The following ADGRG6 variants were observed in gnomAD, a reference collection of about 807,000 sequenced individuals.
The protein encoded by ADGRG6 is adhesion G protein-coupled receptor G6, also known as G-protein coupled receptor 126.
In ADGRG6, 84 loss-of-function variants were observed where a neutral mutation model predicts 142.4. That is an observed-to-expected ratio of 0.59 (90% CI 0.49 to 0.71). The LOEUF (loss-of-function observed/expected upper bound fraction) is 0.71, where lower values mean the gene tolerates loss of function less well. Among genes scored for constraint, ADGRG6 ranks in the 30% least tolerant of loss-of-function variants. The pLI is 0.00. For missense variants in ADGRG6, 1,367 were observed against 1,466.6 expected (o/e 0.93, Z 1.11); for synonymous variants, 521 against 520.5 (o/e 1.00, Z -0.01).
intron 2 of ADGRG6, among the ~76,000 whole-genome samples, chr6:142,341,753 C>A (rs1029935982): frequency 2.0e-5 from 3 of 146,832 alleles, no homozygotes; most frequent in Admixed American, 7.1e-5. Context: ...CAGACTTGGA[C>A]AAGTTGCACC....
intron 2 of ADGRG6, among the ~76,000 whole-genome samples, chr6:142,328,966 C>T (rs897855312): frequency 2.0e-5 from 3 of 152,102 alleles, no homozygotes; most frequent in African/African-American, 4.8e-5. Flanking sequence ...ACATTGGCTC[C>T]CTGAGATGGT....
intron 2 of ADGRG6, among the ~76,000 whole-genome samples, chr6:142,355,013 T>C (rs771842154): frequency 6.6e-6 from 1 of 152,198 alleles, no homozygotes; most frequent in Non-Finnish European, 1.5e-5. Context: ...TATAGAGTGA[T>C]CTATTATCCA....
Position 142,403,952 on chromosome 6 carries a change from C to A in ADGRG6, c.2106C>A (p.Ser702Arg). 1 of 1,608,790 alleles carries A rather than the reference C, an allele frequency of 6.2e-7. No homozygotes were observed. Among genetic ancestry groups the A allele is most frequent in the Non-Finnish European group, 8.5e-7 (1 of 1,175,950 alleles). ...CAAATTTTAGCATTGGTCTTCCAAG[C>A]AATAATGAATCGTATTTCCAGGTAA... Reference protein sequence around the residue: ...AISNFSIGLPSNNESYFQMDF... With the variant: ...AISNFSIGLPRNNESYFQMDF... Residue 702 changes from serine to arginine, a missense_variant, in exon 14 of 25, where the codon AGC becomes AGA. By Grantham distance (110) the Ser-to-Arg change is moderately radical (BLOSUM62 -1). This residue lies in a region of ADGRG6 where 286 missense variants were observed against 371.4 expected (regional missense o/e 0.77). Transcript: ENST00000367609.
Position 142,367,797 on chromosome 6 carries a change from G to A in ADGRG6, c.332G>A (p.Cys111Tyr). ...AATGGAGAGAGCCAGACTAAATTTT[G>A]TGGAGCAACTGCCAAAGGCCTATCA... Reference protein sequence around the residue: ...LDNGESQTKFCGATAKGLSFN... With the variant: ...LDNGESQTKFYGATAKGLSFN... The change falls in exon 3 of 25, where the codon TGT (cysteine) becomes TAT (tyrosine). Residue 111 changes from cysteine to tyrosine, a missense_variant. Physicochemically the swap from Cys to Tyr is radical, Grantham distance 194 (BLOSUM62 -2). Coordinates refer to ENST00000367609, the MANE Select transcript of ADGRG6 (RefSeq NM_198569.3). 1 of 1,613,758 alleles carries A rather than the reference G, an allele frequency of 6.2e-7. No individual in the cohort carries two copies.
At chr6:142,387,293 A>G (rs984893443) in intron 6 of ADGRG6, among the ~76,000 whole-genome samples, 4 of 152,200 alleles carry the variant, frequency 2.6e-5, no homozygotes, top group Non-Finnish European at 5.9e-5. Context: ...GGTTGTCACA[A>G]GCAACCCAAG....
chr6:142,373,038 C>T (rs1475632333), intron 4 of ADGRG6, among the ~76,000 whole-genome samples: 1 of 152,114 alleles, frequency 6.6e-6, no homozygotes, highest in Non-Finnish European at 1.5e-5. Flanking sequence ...TGGTTGATTA[C>T]CTACACCATA....
intron 6 of ADGRG6, among the ~76,000 whole-genome samples, chr6:142,386,385 G>A (rs1782023017): frequency 1.3e-5 from 2 of 152,112 alleles, no homozygotes; most frequent in South Asian, 2.1e-4. Flanking sequence ...AATAAAGGCC[G>A]AAACACTTCT....
At chr6:142,367,247 ACTC>A (rs1373041029) in intron 2 of ADGRG6, among the ~76,000 whole-genome samples, 1 of 151,798 alleles carries the variant, frequency 6.6e-6, no homozygotes, top group Admixed American at 6.6e-5. Flanking sequence ...GCCTCATTGT[ACTC>A]CTTGAAATTG....
chr6:142,348,791 T>G (rs1780026518), intron 2 of ADGRG6, among the ~76,000 whole-genome samples: 1 of 152,234 alleles, frequency 6.6e-6, no homozygotes, highest in South Asian at 2.1e-4. Flanking sequence ...TAGGCTTATC[T>G]GGAAAGTTCT....
chr6:142,414,845 A>T, intron 18 of ADGRG6, 124 bp from the exon 19 acceptor site: 1 of 576,730 alleles, frequency 1.7e-6, no homozygotes. Context: ...ATATTGATTT[A>T]CACTGTTGGT....
chr6:142,349,337 T>C (rs561416112), intron 2 of ADGRG6, among the ~76,000 whole-genome samples: 1 of 152,344 alleles, frequency 6.6e-6, no homozygotes, highest in Admixed American at 6.5e-5. Flanking sequence ...GAGGAAGAAG[T>C]TGGCCTGTGG....
chr6:142,305,488 C>T (rs1777452057), intron 1 of ADGRG6, among the ~76,000 whole-genome samples: 1 of 146,500 alleles, frequency 6.8e-6, no homozygotes, highest in Admixed American at 6.8e-5. Flanking sequence ...TCTGAACCAT[C>T]TGAGAACAAG....
chr6:142,409,189 C>T (rs1775963442), intron 16 of ADGRG6, among the ~76,000 whole-genome samples: 1 of 152,060 alleles, frequency 6.6e-6, no homozygotes, highest in Non-Finnish European at 1.5e-5. Flanking sequence ...TTCAATAGCA[C>T]CTGGCAACCA....
At chr6:142,321,446 C>A (rs1160761262) in intron 2 of ADGRG6, among the ~76,000 whole-genome samples, 2 of 151,734 alleles carry the variant, frequency 1.3e-5, no homozygotes, top group African/African-American at 4.8e-5. Context: ...AAAGAAAAAT[C>A]CAAATGTCTA....
rs1295675840 is a variant in ADGRG6 at position 142,443,347 on chromosome 6, C to T, written c.3585C>T (p.Ser1195=). The part of the protein sequence containing the change: ...FKRNSHTDSA[S]MDKSLSKLAH... ...TATCATTTCTTGCAGACAGTGCTTC[C>T]ATGGACAAGTCCTTGTCAAAACTGG... The change falls in exon 25 of 25, where the codon TCC becomes TCT. Residue 1195 remains serine (S), a synonymous_variant. Coordinates refer to ENST00000367609, the MANE Select transcript of ADGRG6 (RefSeq NM_198569.3). 6.2e-7 allele frequency: 1 copy of T among 1,608,348 alleles called. No individual in the cohort carries two copies. The highest frequency in any genetic ancestry group is 1.3e-5 in the African/African-American group (1 of 74,660).
intron 2 of ADGRG6, among the ~76,000 whole-genome samples, chr6:142,329,776 ATTC>A (rs1778950026): frequency 6.6e-6 from 1 of 152,176 alleles, no homozygotes; most frequent in South Asian, 2.1e-4. Context: ...TAGCTAATGC[ATTC>A]TTGGTTACTC....
At chr6:142,344,860 A>T (rs1036158081) in intron 2 of ADGRG6, among the ~76,000 whole-genome samples, 15 of 152,006 alleles carry the variant, frequency 9.9e-5, no homozygotes, top group African/African-American at 3.6e-4. Context: ...GTTTTGTGAT[A>T]AAGTAGATGA....
intron 4 of ADGRG6, among the ~76,000 whole-genome samples, chr6:142,371,950 A>G (rs1781281355): frequency 6.6e-6 from 1 of 152,200 alleles, no homozygotes; most frequent in African/African-American, 2.4e-5. Flanking sequence ...GAAAATCTTA[A>G]TCAGGAATTA....
chr6:142,400,352 A>C, intron 10 of ADGRG6, 133 bp from the exon 11 acceptor site: 2 of 564,836 alleles, frequency 3.5e-6, no homozygotes, highest in South Asian at 2.6e-5. Context: ...GAAGATAAAC[A>C]CTAATATTTT....
Sources: gnomAD v4.1 joint callset for allele counts (sites outside exome capture counted in the v4.1 genomes callset) on GRCh38, gnomAD v4.1.1 for gene constraint, gnomAD v4.1.1 regional missense constraint, MANE v1.5 for transcripts, NCBI Gene and HGNC (gene_info 2026-07-23, HGNC 2026-07-21) for gene names.